Variants in PDE4B observed in about 807,000 individuals in gnomAD.
PDE4B encodes the protein 3',5'-cyclic-AMP phosphodiesterase 4B.
A neutral mutation model predicts 82.2 loss-of-function variants in PDE4B; 20 were observed. The observed-to-expected ratio is 0.24, with a 90% CI of 0.17 to 0.35. The LOEUF is 0.35. Among genes scored for constraint, PDE4B ranks in the 10% least tolerant of loss-of-function variants. The probability of loss-of-function intolerance (pLI) is 1.00; values close to 1 mark genes in which losing one functional copy is unlikely to be tolerated. For missense variants in PDE4B, 655 were observed against 907.2 expected, an observed-to-expected ratio of 0.72 and a Z score of 3.57; for synonymous variants, 320 against 318.9, an observed-to-expected ratio of 1.00 and a Z score of -0.04.
chr1:66,172,803 A>C (rs1646862975), intron 3 of PDE4B, among the ~76,000 whole-genome samples: 1 of 151,858 alleles, frequency 6.6e-6, no homozygotes, highest in Non-Finnish European at 1.5e-5. Context: ...TAAGTTGGCA[A>C]GCTCTTTTTT....
chr1:66,247,608 T>C lies in PDE4B; in HGVS notation c.430T>C (p.Leu144=), dbSNP rs1653422930. 6.2e-7 allele frequency: 1 copy of C among 1,603,930 alleles called. No individual in the cohort carries two copies. The highest frequency in any genetic ancestry group is 1.3e-5 in the African/African-American group (1 of 74,498). Residue 144 remains leucine, a synonymous_variant, in exon 4 of 17, where the codon TTG becomes CTG. Transcript: ENST00000341517. Reference sequence around the variant, plus strand: ...CTACAGATCAGACAGCGACTATGACTTGTCACCAAAGGCGATGTCGAGAAA... The same window carrying C: ...CTACAGATCAGACAGCGACTATGACCTGTCACCAAAGGCGATGTCGAGAAA... ...FLYRSDSDYD[L]SPKAMSRNSS... is the part of the protein sequence containing the mutation.
At chr1:66,340,791 T>G (rs1660921302) in intron 8 of PDE4B, among the ~76,000 whole-genome samples, 1 of 152,090 alleles carries the variant, frequency 6.6e-6, no homozygotes, top group South Asian at 2.1e-4. Flanking sequence ...GCATTTGATA[T>G]CTAAAAAGAT....
Position 65,996,072 on chromosome 1 carries a change from G to C in PDE4B, c.281+77237G>C, listed in dbSNP as rs564930502. Among the ~76,000 whole-genome samples the C allele has an allele frequency of 5.9e-5, 9 of 152,090 alleles. No individual in the cohort carries two copies. The East Asian group carries it at 1.7e-3, about 29-fold the overall frequency. On this transcript the variant is annotated intron_variant, in intron 3 of 16. Transcript: ENST00000341517. ...CTCTGGGCTATTTAAAAATATCTGG[G>C]GGAAATGTGGATATTCAATGTGTTA... is the stretch of plus-strand genomic sequence containing the variant.
chr1:66,172,453 T>C (rs1257680849), intron 3 of PDE4B, among the ~76,000 whole-genome samples: 1 of 152,216 alleles, frequency 6.6e-6, no homozygotes, highest in African/African-American at 2.4e-5. Flanking sequence ...TTATTTTCCT[T>C]TGGGTATATG....
At chr1:65,993,072 T>C in intron 3 of PDE4B, 2 of 1,614,010 alleles carry the variant, frequency 1.2e-6, no homozygotes, top group Non-Finnish European at 8.5e-7. Flanking sequence ...GAACTCACCA[T>C]GCTTTTTCAG....
intron 10 of PDE4B, among the ~76,000 whole-genome samples, chr1:66,362,362 A>G (rs1220370471): frequency 1.3e-5 from 2 of 152,100 alleles, no homozygotes; most frequent in African/African-American, 2.4e-5. Flanking sequence ...GAAAGAATTC[A>G]TACATCCTTT....
chr1:66,264,916 T>C (rs889176140), intron 6 of PDE4B, among the ~76,000 whole-genome samples: 23 of 152,198 alleles, frequency 1.5e-4, no homozygotes, highest in African/African-American at 5.3e-4. Context: ...TATACTGAAA[T>C]AGACTCTTCA....
At chr1:66,272,707 G>A (rs182229170) in intron 7 of PDE4B, among the ~76,000 whole-genome samples, 1 of 149,744 alleles carries the variant, frequency 6.7e-6, no homozygotes. Flanking sequence ...CATTGTGGTG[G>A]TCCTCCAACT....
intron 3 of PDE4B, among the ~76,000 whole-genome samples, chr1:66,136,908 A>C: frequency 6.6e-6 from 1 of 152,066 alleles, no homozygotes; most frequent in East Asian, 1.9e-4. Flanking sequence ...AAGAAGGAGG[A>C]CATAGTCAAC....
intron 8 of PDE4B, among the ~76,000 whole-genome samples, chr1:66,341,410 G>A (rs778303331): frequency 5.3e-5 from 8 of 152,092 alleles, no homozygotes; most frequent in Non-Finnish European, 1.0e-4. Context: ...CTTCATTTAC[G>A]TTTCTTGAGT....
chr1:66,149,295 C>A (rs1557594783), intron 3 of PDE4B, among the ~76,000 whole-genome samples: 1 of 151,854 alleles, frequency 6.6e-6, no homozygotes, highest in Non-Finnish European at 1.5e-5. Flanking sequence ...TATCTAAATC[C>A]CCATTTAAAT....
intron 3 of PDE4B, among the ~76,000 whole-genome samples, chr1:66,111,849 C>A (rs1557570135): frequency 1.3e-5 from 2 of 151,888 alleles, no homozygotes; most frequent in African/African-American, 4.8e-5. Flanking sequence ...TGGTTTCTTA[C>A]CAAAAATAAA....
At chr1:66,201,883 T>G (rs1648994686) in intron 3 of PDE4B, among the ~76,000 whole-genome samples, 1 of 152,088 alleles carries the variant, frequency 6.6e-6, no homozygotes, top group African/African-American at 2.4e-5. Flanking sequence ...TCTTGCCTTC[T>G]GCTAGCTTTT....
chr1:65,979,794 G>T (rs935760628), intron 3 of PDE4B, among the ~76,000 whole-genome samples: 1 of 152,178 alleles, frequency 6.6e-6, no homozygotes, highest in African/African-American at 2.4e-5. Flanking sequence ...TGCTTTAGGT[G>T]CTGGAGTTAC....
chr1:66,093,638 T>C (rs1042129941), intron 3 of PDE4B, among the ~76,000 whole-genome samples: 3 of 152,112 alleles, frequency 2.0e-5, no homozygotes, highest in Admixed American at 2.0e-4. Context: ...CAATAAGCTA[T>C]ACTAAGCCTA....
chr1:66,177,192 A>G (rs1223178466), intron 3 of PDE4B, among the ~76,000 whole-genome samples: 2 of 152,222 alleles, frequency 1.3e-5, no homozygotes, highest in East Asian at 3.8e-4. Context: ...GGCTCAGAGA[A>G]AGATAAAACC....
chr1:65,843,527 C>T (rs1163541930), intron 1 of PDE4B, among the ~76,000 whole-genome samples: 2 of 152,242 alleles, frequency 1.3e-5, no homozygotes, highest in Non-Finnish European at 2.9e-5. Context: ...CTTTTCATTT[C>T]CTACCTATGG....
chr1:66,067,220 G>A (rs930558381), intron 3 of PDE4B, among the ~76,000 whole-genome samples: 1 of 151,960 alleles, frequency 6.6e-6, no homozygotes, highest in African/African-American at 2.4e-5. Flanking sequence ...GGGATGGCTG[G>A]GTCAAATGGT....
intron 1 of PDE4B, among the ~76,000 whole-genome samples, chr1:65,911,432 A>G (rs1647089403): frequency 6.6e-6 from 1 of 152,074 alleles, no homozygotes; most frequent in East Asian, 1.9e-4. Flanking sequence ...ACAACTTTAC[A>G]GTTATAATCA....
Sources: allele counts gnomAD v4.1 joint callset (sites outside exome capture counted in the v4.1 genomes callset), GRCh38; gene constraint gnomAD v4.1.1; transcripts MANE v1.5; gene names NCBI Gene and HGNC (gene_info 2026-07-23, HGNC 2026-07-21).